PTPRK: variants seen among roughly 807,000 people sequenced by gnomAD.
PTPRK encodes the protein protein tyrosine phosphatase receptor type K.
A neutral mutation model predicts 178.0 loss-of-function variants in PTPRK; 75 were observed. The observed-to-expected ratio is 0.42, with a 90% CI of 0.35 to 0.51. The LOEUF is 0.51. Among genes scored for constraint, PTPRK ranks in the 20% least tolerant of loss-of-function variants. The pLI, the probability that PTPRK is intolerant of heterozygous loss-of-function variation, is 0.02. For missense variants in PTPRK, 1,441 were observed against 1,797.8 expected (o/e 0.80, Z 3.59); for synonymous variants, 637 against 620.6 (o/e 1.03, Z -0.39).
intron 2 of PTPRK, among the ~76,000 whole-genome samples, chr6:128,368,016 T>C (rs2128346662): frequency 6.6e-6 from 1 of 152,252 alleles, no homozygotes; most frequent in East Asian, 1.9e-4. Flanking sequence ...CCTTCCCATG[T>C]TCACAATAAA....
At chr6:128,511,868 G>A (rs184122185) in intron 1 of PTPRK, among the ~76,000 whole-genome samples, 4 of 152,258 alleles carry the variant, frequency 2.6e-5, no homozygotes, top group Admixed American at 2.0e-4. Flanking sequence ...CATCTTAAAG[G>A]ATATTGTGAG....
chr6:128,456,104 T>C (rs1394039448), intron 1 of PTPRK, among the ~76,000 whole-genome samples: 1 of 152,038 alleles, frequency 6.6e-6, no homozygotes, highest in East Asian at 1.9e-4. Flanking sequence ...ATCAAAATGT[T>C]AACCCTGCAA....
At chr6:128,491,677 C>T (rs193227851) in intron 1 of PTPRK, 183 of 455,630 alleles carry the variant, frequency 4.0e-4, no homozygotes, top group Non-Finnish European at 6.8e-4. Context: ...CCAAAATCTG[C>T]CACTAAAACA....
chr6:128,103,407 C>CACTTA (rs1375870338), intron 7 of PTPRK, among the ~76,000 whole-genome samples: 4 of 152,160 alleles, frequency 2.6e-5, no homozygotes, highest in African/African-American at 9.7e-5. Flanking sequence ...AAGCCATCTG[C>CACTTA]AGATGGCAGA....
intron 1 of PTPRK, among the ~76,000 whole-genome samples, chr6:128,471,604 T>TAAAAAAAAAAAAAAAAAAAAAAAACA (rs34372021): frequency 4.7e-5 from 3 of 63,602 alleles, no homozygotes; most frequent in Non-Finnish European, 6.5e-5. Flanking sequence ...CAAAACAACC[T>TAAAAAAAAAAAAAAAAAAAAAAAACA]AAAAAAAAAA....
chr6:128,458,116 A>G (rs986950149), intron 1 of PTPRK, among the ~76,000 whole-genome samples: 6 of 152,158 alleles, frequency 3.9e-5, no homozygotes, highest in Non-Finnish European at 8.8e-5. Flanking sequence ...TAGGGACTTG[A>G]ACATTCAGAA....
At chr6:128,328,219 TG>T (rs1829824158) in intron 2 of PTPRK, among the ~76,000 whole-genome samples, 2 of 152,338 alleles carry the variant, frequency 1.3e-5, no homozygotes, top group East Asian at 3.9e-4. Context: ...CTGTGCCAGC[TG>T]TAAAGCAGAA....
chr6:128,123,623 C>T (rs1279054506), intron 7 of PTPRK, among the ~76,000 whole-genome samples: 1 of 152,100 alleles, frequency 6.6e-6, no homozygotes, highest in African/African-American at 2.4e-5. Flanking sequence ...TAACTAAACT[C>T]ATTTTATTCA....
intron 10 of PTPRK, 53 bp from the exon 11 acceptor site, chr6:128,078,971 T>A: frequency 8.4e-7 from 1 of 1,191,588 alleles, no homozygotes; most frequent in Non-Finnish European, 1.2e-6. Context: ...CAGTAATATA[T>A]CACAGGTCAG....
rs1046254796 is a variant in PTPRK at position 128,340,419 on chromosome 6, G to C, written c.224-18109C>G. Among the ~76,000 whole-genome samples the C allele has an allele frequency of 1.5e-4, 23 of 152,108 alleles. 1 individual carries two copies. The highest frequency in any genetic ancestry group is 1.4e-3 in the Admixed American group (21 of 15,276). On this transcript the variant is annotated intron_variant, in intron 2 of 29. Transcript: ENST00000368226. ...CCCATTCTAGCAGACCCAGCAACTG[G>C]GTAAGCTTTAACAACCTCTAAATGT...
intron 1 of PTPRK, among the ~76,000 whole-genome samples, chr6:128,421,695 C>A (rs1010822221): frequency 7.2e-5 from 11 of 152,176 alleles, no homozygotes; most frequent in African/African-American, 2.4e-4. Flanking sequence ...CTGCTGTTCT[C>A]TTTTACCCAG....
intron 6 of PTPRK, among the ~76,000 whole-genome samples, chr6:128,215,750 T>C (rs1809158325): frequency 6.6e-6 from 1 of 152,174 alleles, no homozygotes; most frequent in Non-Finnish European, 1.5e-5. Flanking sequence ...CTCTTACCCT[T>C]GGGTCATCTT....
At chr6:128,303,715 C>T (rs771292771) in intron 3 of PTPRK, among the ~76,000 whole-genome samples, 4 of 152,104 alleles carry the variant, frequency 2.6e-5, no homozygotes, top group Non-Finnish European at 4.4e-5. Flanking sequence ...AATGAAGATT[C>T]GTTGCTTAAC....
intron 2 of PTPRK, among the ~76,000 whole-genome samples, chr6:128,376,317 T>G (rs1284966894): frequency 6.6e-6 from 1 of 152,188 alleles, no homozygotes; most frequent in Non-Finnish European, 1.5e-5. Context: ...TTGACTTTCA[T>G]GTACCTGCAG....
At chr6:128,222,607 C>T (rs557355055) in intron 5 of PTPRK, among the ~76,000 whole-genome samples, 1 of 152,152 alleles carries the variant, frequency 6.6e-6, no homozygotes, top group Non-Finnish European at 1.5e-5. Context: ...CATAACAGCC[C>T]GTGCAATTCA....
Position 128,519,146 on chromosome 6 carries a change from G to A in PTPRK, c.100+1113C>T. The A allele has an allele frequency of 2.0e-6, 1 of 502,320 alleles. No individual in the cohort carries two copies. Among genetic ancestry groups the A allele is most frequent in the South Asian group, 1.5e-5 (1 of 66,996 alleles). 31.1% of individuals were successfully genotyped at this position (502,320 alleles called of 1,614,324 possible). On this transcript the variant is annotated intron_variant, in intron 1 of 29. Transcript: ENST00000368226. The surrounding 1 kb of genome is among the most constrained non-coding windows in gnomAD (Gnocchi z 4.3). ...GCGCTCGCCAGCCAAGCGAAGCTGG[G>A]TAGGTTGGCCAGAAAAGTTGTCAGG...
chr6:128,273,950 G>T (rs1473825146), intron 3 of PTPRK, among the ~76,000 whole-genome samples: 1 of 152,052 alleles, frequency 6.6e-6, no homozygotes, highest in African/African-American at 2.4e-5. Flanking sequence ...TACATACAGA[G>T]ATAAGCGATG....
At chr6:128,460,223 C>T (rs1000077767) in intron 1 of PTPRK, among the ~76,000 whole-genome samples, 10 of 152,008 alleles carry the variant, frequency 6.6e-5, no homozygotes, top group African/African-American at 2.4e-4. Context: ...ATTGTATGTC[C>T]CAGCTGTGGT....
intron 1 of PTPRK, among the ~76,000 whole-genome samples, chr6:128,405,510 G>A (rs17055828): frequency 0.046 from 7,009 of 152,068 alleles, 577 homozygotes; most frequent in African/African-American, 0.16. Flanking sequence ...GAAATTCATC[G>A]AACAAAGCAA....
Sources: gnomAD v4.1 joint callset for allele counts (sites outside exome capture counted in the v4.1 genomes callset) on GRCh38, gnomAD v4.1.1 for gene constraint, Gnocchi (gnomAD v3.1) non-coding constraint, MANE v1.5 for transcripts, NCBI Gene and HGNC (gene_info 2026-07-23, HGNC 2026-07-21) for gene names.